The following ABHD2 variants were observed in gnomAD, a reference collection of about 807,000 sequenced individuals.
The protein encoded by ABHD2 is abhydrolase domain containing 2, acylglycerol lipase, also known as monoacylglycerol lipase ABHD2.
In ABHD2, 20 loss-of-function variants were observed where a neutral mutation model predicts 48.1. The observed-to-expected ratio is 0.42, with a 90% confidence interval of 0.29 to 0.60. The LOEUF (loss-of-function observed/expected upper bound fraction) is 0.60. ABHD2 is among the 20% of genes least tolerant of loss of function. The probability of loss-of-function intolerance (pLI) is 0.24; values close to 1 mark genes in which losing one functional copy is unlikely to be tolerated. For synonymous variants in ABHD2, 209 were observed against 214.2 expected, an observed-to-expected ratio of 0.98 and a Z score of 0.21; for missense variants, 405 against 550.9, an observed-to-expected ratio of 0.74 and a Z score of 2.65.
rs1283578798 is a variant in ABHD2, at chr15:89,200,270, T to C, written c.*4847T>C. On this transcript the variant is annotated 3_prime_UTR_variant, in exon 11 of 11. Transcript: ENST00000352732. ...GGCTGTCACTTCATACTTGCAGGAT[T>C]GCACAGCAGCCGGGCAGAGGCGCTC... The C allele has an allele frequency of 6.6e-6, 1 of 152,260 alleles. No individual in the cohort carries two copies. The highest frequency in any genetic ancestry group is 1.9e-4 in the East Asian group (1 of 5,198). 9.4% of individuals were successfully genotyped at this position (152,260 alleles called of 1,614,324 possible). A position where few individuals can be genotyped will look rare whatever the true frequency, so the allele number is the denominator to read the frequency against.
At chr15:89,069,827 G>A in the ABHD2 span, among the ~76,000 whole-genome samples, 1,385 of 151,682 alleles carry the variant, frequency 9.1e-3, 14 homozygotes, top group African/African-American at 0.024. Flanking sequence ...TTACAGGTGC[G>A]TACCACCATG....
At chr15:89,158,342 ACTGGGT>A (rs759568734) in intron 5 of ABHD2, among the ~76,000 whole-genome samples, 14 of 152,236 alleles carry the variant, frequency 9.2e-5, no homozygotes, top group Non-Finnish European at 1.6e-4. Flanking sequence ...TAGCAGAGTA[ACTGGGT>A]CTGTATAGTC....
intron 5 of ABHD2, among the ~76,000 whole-genome samples, chr15:89,156,061 C>A (rs1474291149): frequency 2.6e-5 from 4 of 151,282 alleles, no homozygotes; most frequent in African/African-American, 7.3e-5. Flanking sequence ...TTAGCTGGGC[C>A]AGTTGTGGTG....
rs1190361471 is a variant in ABHD2 at position 89,182,537 on chromosome 15, A to G, written c.723-2887A>G. Among the ~76,000 whole-genome samples the G allele has an allele frequency of 6.6e-6, 1 of 152,108 alleles. No homozygotes were observed. The highest frequency in any genetic ancestry group is 2.4e-5 in the African/African-American group (1 of 41,416). On this transcript the variant is annotated intron_variant, in intron 6 of 10. Transcript: ENST00000352732. This position sits in a 1 kb window ranked among gnomAD's most constrained non-coding sequence, Gnocchi z 4.8. ...GAAGTGCCTCACGCCTGTAATTCCA[A>G]CACTTTGGAAGGAGGCCGAGACCTA...
Position 89,188,794 on chromosome 15 carries a change from G to A in ABHD2, c.926+491G>A, listed in dbSNP as rs28620291. Among the ~76,000 whole-genome samples the A allele has an allele frequency of 6.2e-3, 943 of 151,798 alleles. 9 individuals are homozygous for A. The highest frequency in any genetic ancestry group is 0.021 in the African/African-American group (887 of 41,412). On this transcript the variant is annotated intron_variant, in intron 8 of 10. Transcript: ENST00000352732. This position sits in a 1 kb window ranked among gnomAD's most constrained non-coding sequence, Gnocchi z 4.1. ...TTTGGGAGGTCATGGGGGAAAGATCGCTTGAGCCCAGGAGGTTGAAGCTGC... is the reference window on the plus strand; with the variant it reads ...TTTGGGAGGTCATGGGGGAAAGATCACTTGAGCCCAGGAGGTTGAAGCTGC...
upstream of ABHD2, among the ~76,000 whole-genome samples, chr15:89,085,687 G>C (rs896137967): frequency 2.0e-5 from 3 of 152,154 alleles, no homozygotes; most frequent in African/African-American, 7.2e-5. This position sits in a 1 kb window ranked among gnomAD's most constrained non-coding sequence, Gnocchi z 4.2. Context: ...CTGAACCTAT[G>C]TTCCTGAGAT....
chr15:89,132,161 G>C (rs1216498827), intron 3 of ABHD2, among the ~76,000 whole-genome samples: 1 of 152,216 alleles, frequency 6.6e-6, no homozygotes, highest in Non-Finnish European at 1.5e-5. Flanking sequence ...GCAGCAGCAA[G>C]ATAATGCAGG....
chr15:89,195,162 T>C lies in ABHD2; in HGVS notation c.1082-65T>C. The C allele has an allele frequency of 2.6e-6, 4 of 1,560,084 alleles. No individual in the cohort carries two copies. Among genetic ancestry groups the C allele is most frequent in the Non-Finnish European group, 3.5e-6 (4 of 1,150,388 alleles). ...GCCAGGCTACCCTAGCCAGCTCACCTCTGCACCTCCTGTCCTGGAGCAAAC... is the reference window on the plus strand; with the variant it reads ...GCCAGGCTACCCTAGCCAGCTCACCCCTGCACCTCCTGTCCTGGAGCAAAC... On this transcript the variant is annotated intron_variant, in intron 10 of 10. Coordinates refer to ENST00000352732, the MANE Select transcript of ABHD2 (RefSeq NM_152924.5). This position sits in a 1 kb window ranked among gnomAD's most constrained non-coding sequence, Gnocchi z 5.1.
In ABHD2 at chr15:89,151,350, T is replaced by G. The variant is rs1293028040; in HGVS notation, c.195-327T>G. Among the ~76,000 whole-genome samples, 1 of 152,252 alleles carries G rather than the reference T, an allele frequency of 6.6e-6. No homozygotes were observed. The highest frequency in any genetic ancestry group is 1.5e-5 in the Non-Finnish European group (1 of 68,048). ...TGAGCTAACCTGTCAAGTTAGAATG[T>G]GTTCAAAATATATCACTTGCTTTCT... On this transcript the variant is annotated intron_variant, in intron 3 of 10. Coordinates refer to ENST00000352732, the MANE Select transcript of ABHD2 (RefSeq NM_152924.5). This position sits in a 1 kb window ranked among gnomAD's most constrained non-coding sequence, Gnocchi z 4.7.
intron 3 of ABHD2, among the ~76,000 whole-genome samples, chr15:89,131,916 C>A (rs576553465): frequency 6.6e-6 from 1 of 151,926 alleles, no homozygotes; most frequent in Non-Finnish European, 1.5e-5. Flanking sequence ...ATAAGCATGG[C>A]ATTAAGAAAT....
intron 5 of ABHD2, among the ~76,000 whole-genome samples, chr15:89,172,307 A>G (rs1341438034): frequency 6.6e-6 from 1 of 152,172 alleles, no homozygotes; most frequent in African/African-American, 2.4e-5. Flanking sequence ...CCTGGCAACC[A>G]CCATTCTATT....
intron 6 of ABHD2, among the ~76,000 whole-genome samples, chr15:89,180,381 G>A (rs2051088992): frequency 6.6e-6 from 1 of 152,128 alleles, no homozygotes; most frequent in Admixed American, 6.5e-5. Flanking sequence ...AAAGGGGCTT[G>A]GTAGGTGGCC....
In ABHD2 at chr15:89,168,533, G is replaced by C. The variant is rs980089656; in HGVS notation, c.539-7279G>C. ...GTCTTTGCCCTTCCCTTGCATGGGA[G>C]AGGTGGCATCTCTTCACAGAACATC... is the stretch of plus-strand genomic sequence containing the variant. On this transcript the variant is annotated intron_variant, in intron 5 of 10. Coordinates refer to ENST00000352732, the MANE Select transcript of ABHD2 (RefSeq NM_152924.5). The surrounding 1 kb of genome is among the most constrained non-coding windows in gnomAD (Gnocchi z 4.8). Among the ~76,000 whole-genome samples the C allele has an allele frequency of 6.6e-6, 1 of 152,202 alleles. No homozygotes were observed. The highest frequency in any genetic ancestry group is 2.4e-5 in the African/African-American group (1 of 41,448).
chr15:89,066,320 A>C, the ABHD2 span, among the ~76,000 whole-genome samples: 1 of 152,080 alleles, frequency 6.6e-6, no homozygotes, highest in Non-Finnish European at 1.5e-5. Context: ...GGCAATCCTT[A>C]GTGGTATTGG....
At position 89,185,376 on chromosome 15, in the gene ABHD2, C is replaced by T. The variant is rs2051189042; in HGVS notation, c.723-48C>T. ...GCTAGAGCCCCCTCCTGGCTGCCCG[C>T]CTGCACCCCCACACCGCAGTCACCC... On this transcript the variant is annotated intron_variant, in intron 6 of 10. Coordinates refer to ENST00000352732, the MANE Select transcript of ABHD2 (RefSeq NM_152924.5). The surrounding 1 kb of genome is among the most constrained non-coding windows in gnomAD (Gnocchi z 5.9). The T allele has an allele frequency of 6.5e-7, 1 of 1,544,580 alleles. No individual in the cohort carries two copies. Among genetic ancestry groups the T allele is most frequent in the Non-Finnish European group, 8.9e-7 (1 of 1,119,252 alleles).
In ABHD2 at chr15:89,175,498, C is replaced by G. The variant is rs772303768; in HGVS notation, c.539-314C>G. 3.9e-5 allele frequency among the ~76,000 whole-genome samples: 6 copies of G among 152,196 alleles called. No homozygotes were observed. Among genetic ancestry groups the G allele is most frequent in the Non-Finnish European group, 8.8e-5 (6 of 68,046 alleles). On this transcript the variant is annotated intron_variant, in intron 5 of 10. Coordinates refer to ENST00000352732, the MANE Select transcript of ABHD2 (RefSeq NM_152924.5). This position sits in a 1 kb window ranked among gnomAD's most constrained non-coding sequence, Gnocchi z 5.7. Reference sequence around the variant, plus strand: ...AATCTGCTTTGATATCCATGATTATCTAGACACGGTTCTTGTGACCTACCT... The same window carrying G: ...AATCTGCTTTGATATCCATGATTATGTAGACACGGTTCTTGTGACCTACCT...
At position 89,201,741 on chromosome 15, in the gene ABHD2, A is replaced by AT; in HGVS notation, c.*6319dup. The AT allele has an allele frequency of 6.3e-7, 1 of 1,579,108 alleles. No homozygotes were observed. The highest frequency in any genetic ancestry group is 8.7e-7 in the Non-Finnish European group (1 of 1,148,536). On this transcript the variant is annotated 3_prime_UTR_variant, in exon 11 of 11. Coordinates refer to ENST00000352732, the MANE Select transcript of ABHD2 (RefSeq NM_152924.5). Reference sequence around the variant, plus strand: ...GAAGGGGCCTTTGAATTTGAGGTCTATGGGCGGGTCGAGGACCAGGATCTG... The same window carrying AT: ...GAAGGGGCCTTTGAATTTGAGGTCTATTGGGCGGGTCGAGGACCAGGATCTG...
chr15:89,047,071 C>T, the ABHD2 span, among the ~76,000 whole-genome samples: 223 of 151,344 alleles, frequency 1.5e-3, no homozygotes, highest in African/African-American at 4.9e-3. Flanking sequence ...GCTTTGAATG[C>T]GTCCCAGAGA....
At chr15:89,078,039 AT>A in the ABHD2 span, among the ~76,000 whole-genome samples, 1 of 152,076 alleles carries the variant, frequency 6.6e-6, no homozygotes, top group Admixed American at 6.5e-5. Flanking sequence ...TCTAAAGTAA[AT>A]TTACCTTTCT....
Sources: allele counts gnomAD v4.1 joint callset (sites outside exome capture counted in the v4.1 genomes callset), GRCh38; gene constraint gnomAD v4.1.1; non-coding constraint Gnocchi (gnomAD v3.1); transcripts MANE v1.5; gene names NCBI Gene and HGNC (gene_info 2026-07-23, HGNC 2026-07-21).